The following TMEM132B variants were observed in gnomAD, a reference collection of about 807,000 sequenced individuals.
TMEM132B encodes transmembrane protein 132B.
A neutral mutation model predicts 90.8 loss-of-function variants in TMEM132B; 18 were observed. That is an observed-to-expected ratio of 0.20 (90% CI 0.14 to 0.29). The LOEUF (loss-of-function observed/expected upper bound fraction) is 0.29. Ranked by LOEUF, TMEM132B falls within the 10% of genes least tolerant of loss-of-function variation. The pLI, the probability that TMEM132B is intolerant of heterozygous loss-of-function variation, is 1.00. For synonymous variants in TMEM132B, 504 were observed against 523.3 expected (o/e 0.96, Z 0.50); for missense variants, 1,096 against 1,326.8 (o/e 0.83, Z 2.70).
At chr12:125,645,185 T>C (rs1593042371) in intron 6 of TMEM132B, among the ~76,000 whole-genome samples, 1 of 123,512 alleles carries the variant, frequency 8.1e-6, no homozygotes, top group Non-Finnish European at 1.6e-5. Flanking sequence ...GCCACTGCAC[T>C]CCAGCCTGGG....
intron 2 of TMEM132B, among the ~76,000 whole-genome samples, chr12:125,412,867 C>T (rs931282719): frequency 5.9e-5 from 9 of 151,980 alleles, no homozygotes; most frequent in Non-Finnish European, 2.9e-5. Context: ...AACATCATGA[C>T]GGCAAGAAAG....
At chr12:125,341,243 C>T (rs1377024697) in intron 1 of TMEM132B, among the ~76,000 whole-genome samples, 2 of 152,198 alleles carry the variant, frequency 1.3e-5, no homozygotes, top group African/African-American at 4.8e-5. Flanking sequence ...TTAGGCAAGT[C>T]ACATAACTGC....
chr12:125,514,721 C>T (rs1883063683), intron 3 of TMEM132B, among the ~76,000 whole-genome samples: 1 of 152,198 alleles, frequency 6.6e-6, no homozygotes, highest in Admixed American at 6.5e-5. Context: ...TTCATTTCTT[C>T]CTCCCTCCCA....
intron 3 of TMEM132B, among the ~76,000 whole-genome samples, chr12:125,430,932 G>A (rs1386024066): frequency 6.6e-6 from 1 of 152,156 alleles, no homozygotes; most frequent in Admixed American, 6.5e-5. Flanking sequence ...AGGGAGTGTG[G>A]GGAGGAGGCA....
chr12:125,348,490 A>C (rs1018385626), intron 1 of TMEM132B, among the ~76,000 whole-genome samples: 5 of 132,016 alleles, frequency 3.8e-5, no homozygotes, highest in Non-Finnish European at 6.2e-5. Context: ...ATGCCTGGAT[A>C]ATTTTTGTGT....
Position 125,653,936 on chromosome 12 carries a change from A to C in TMEM132B, c.2478A>C (p.Glu826Asp), listed in dbSNP as rs753158409. 6.2e-7 allele frequency: 1 copy of C among 1,614,248 alleles called. No homozygotes were observed. The highest frequency in any genetic ancestry group is 1.1e-5 in the South Asian group (1 of 91,084). ...KDHLSNSIEREGNQERAVQEW... is the reference protein window; with the variant it reads ...KDHLSNSIERDGNQERAVQEW... ...ACCTCAGTAATTCCATAGAGCGCGAAGGAAACCAGGAGAGAGCAGTCCAGG... is the reference window on the plus strand; with the variant it reads ...ACCTCAGTAATTCCATAGAGCGCGACGGAAACCAGGAGAGAGCAGTCCAGG... Residue 826 changes from glutamate (E) to aspartate (D), a missense_variant, in exon 9 of 9, where the codon GAA becomes GAC. Coordinates refer to ENST00000682704, the MANE Select transcript of TMEM132B (RefSeq NM_001366854.1).
chr12:125,283,251 T>G (rs1875250381), intron 1 of TMEM132B, among the ~76,000 whole-genome samples: 1 of 152,218 alleles, frequency 6.6e-6, no homozygotes, highest in Admixed American at 6.5e-5. Context: ...ATATTAGGTT[T>G]TCTTCAAGTA....
intron 1 of TMEM132B, among the ~76,000 whole-genome samples, chr12:125,236,303 G>A (rs758872036): frequency 5.9e-5 from 9 of 151,700 alleles, no homozygotes; most frequent in African/African-American, 1.7e-4. Flanking sequence ...ATACCACCAC[G>A]CCCAGCTATT....
At chr12:125,241,569 G>A (rs1317956703) in intron 1 of TMEM132B, among the ~76,000 whole-genome samples, 3 of 152,166 alleles carry the variant, frequency 2.0e-5, no homozygotes, top group Non-Finnish European at 4.4e-5. Flanking sequence ...TCTCCTTTCT[G>A]TACGACAGTG....
chr12:125,250,503 A>ACTGCGCAAGAGGATC (rs1175794519), intron 1 of TMEM132B, among the ~76,000 whole-genome samples: 1 of 151,842 alleles, frequency 6.6e-6, no homozygotes. Flanking sequence ...TCTTGCTCAC[A>ACTGCGCAAGAGGATC]CTGCCCCCAG....
chr12:125,404,828 G>A (rs574184795), intron 2 of TMEM132B, among the ~76,000 whole-genome samples: 1 of 152,292 alleles, frequency 6.6e-6, no homozygotes, highest in African/African-American at 2.4e-5. Context: ...AGGGAGGAAT[G>A]CCCAGTGTTT....
intron 1 of TMEM132B, among the ~76,000 whole-genome samples, chr12:125,205,177 C>A (rs1326429179): frequency 6.6e-6 from 1 of 151,586 alleles, no homozygotes; most frequent in Non-Finnish European, 1.5e-5. Flanking sequence ...ATTAACCAGG[C>A]ACTGTGCTTA....
intron 2 of TMEM132B, among the ~76,000 whole-genome samples, chr12:125,359,599 C>G (rs968688290): frequency 2.0e-5 from 3 of 152,154 alleles, no homozygotes; most frequent in African/African-American, 7.2e-5. Flanking sequence ...AAGTAGCCTC[C>G]CTAACTACAT....
At chr12:125,382,033 C>T (rs1326815493) in intron 2 of TMEM132B, among the ~76,000 whole-genome samples, 7 of 152,192 alleles carry the variant, frequency 4.6e-5, no homozygotes. Context: ...TAGGCCTCTC[C>T]TTCCTATTCT....
chr12:125,599,671 T>C (rs1032422127), intron 5 of TMEM132B, among the ~76,000 whole-genome samples: 1 of 152,172 alleles, frequency 6.6e-6, no homozygotes, highest in African/African-American at 2.4e-5. Context: ...AGATCCCTTC[T>C]GCAGGAGTTT....
intron 4 of TMEM132B, among the ~76,000 whole-genome samples, chr12:125,559,881 A>C (rs562356999): frequency 6.6e-6 from 1 of 152,250 alleles, no homozygotes; most frequent in African/African-American, 2.4e-5. Context: ...CCTTGTTCCG[A>C]GTCCACCTGG....
intron 2 of TMEM132B, among the ~76,000 whole-genome samples, chr12:125,394,418 G>A (rs1396956558): frequency 6.6e-6 from 1 of 152,166 alleles, no homozygotes; most frequent in Non-Finnish European, 1.5e-5. Flanking sequence ...TGCAGCAGTG[G>A]TTGCAAATGA....
intron 2 of TMEM132B, among the ~76,000 whole-genome samples, chr12:125,364,467 G>A (rs1878064345): frequency 6.6e-6 from 1 of 152,018 alleles, no homozygotes; most frequent in African/African-American, 2.4e-5. Context: ...TTTCTGATGT[G>A]TTTAAAAGTA....
At chr12:125,196,996 G>A (rs7971916) in intron 1 of TMEM132B, among the ~76,000 whole-genome samples, 113,946 of 152,078 alleles carry the variant, frequency 0.75, 42,761 homozygotes, top group Non-Finnish European at 0.76. Flanking sequence ...TAAGATTTTT[G>A]TTTTTAATTA....
Sources: gnomAD v4.1 joint callset for allele counts (sites outside exome capture counted in the v4.1 genomes callset) on GRCh38, gnomAD v4.1.1 for gene constraint, MANE v1.5 for transcripts, NCBI Gene and HGNC (gene_info 2026-07-23, HGNC 2026-07-21) for gene names.